The following ARMC7 variants were observed in gnomAD, a reference collection of about 807,000 sequenced individuals.
The protein encoded by ARMC7 is armadillo repeat-containing protein 7.
In ARMC7, 9 loss-of-function variants were observed where a neutral mutation model predicts 14.8. The ratio of observed to expected loss-of-function variants is 0.61; its 90% CI spans 0.37 to 1.06. The LOEUF (loss-of-function observed/expected upper bound fraction) is 1.06, where lower values mean the gene tolerates loss of function less well. Among genes scored for constraint, ARMC7 ranks in the 50% least tolerant of loss-of-function variants. The probability of loss-of-function intolerance (pLI) is 0.01; values close to 1 mark genes in which losing one functional copy is unlikely to be tolerated. For synonymous variants in ARMC7, 125 were observed against 123.4 expected, an observed-to-expected ratio of 1.01 and a Z score of -0.09; for missense variants, 262 against 267.1, an observed-to-expected ratio of 0.98 and a Z score of 0.13.
Position 75,129,157 on chromosome 17 carries a change from G to A in ARMC7, c.*119G>A, listed in dbSNP as rs562973631. 2.1e-5 allele frequency: 29 copies of A among 1,378,838 alleles called. No individual in the cohort carries two copies. The East Asian group carries it at 2.4e-4, about 11-fold the overall frequency. 85.4% of individuals were successfully genotyped at this position (1,378,838 alleles called of 1,614,324 possible). A position where few individuals can be genotyped will look rare whatever the true frequency, so the allele number is the denominator to read the frequency against. On this transcript the variant is annotated 3_prime_UTR_variant, in exon 3 of 3. Coordinates refer to ENST00000245543, the MANE Select transcript of ARMC7 (RefSeq NM_024585.4). Reference sequence around the variant, plus strand: ...GTGCCTTTTCAGCCATCTGAAAGGCGGGTTCTTTCAGCAGGACAGGCATTT... The same window carrying A: ...GTGCCTTTTCAGCCATCTGAAAGGCAGGTTCTTTCAGCAGGACAGGCATTT...
intron 2 of ARMC7, among the ~76,000 whole-genome samples, chr17:75,124,578 G>T (rs1009026703): frequency 2.0e-5 from 3 of 152,202 alleles, no homozygotes; most frequent in Admixed American, 1.3e-4. Context: ...CATGCCGCGG[G>T]TGTGTCTGAG....
Position 75,128,734 on chromosome 17 carries a change from G to A in ARMC7, c.293G>A (p.Gly98Glu), listed in dbSNP as rs754422264. ...RANKEHILHA[G>E]GVPLIINCLS... ...AACAAGGAGCACATCCTGCACGCAG[G>A]AGGTGTCCCACTCATCATCAACTGC... is the stretch of plus-strand genomic sequence containing the variant. Residue 98 changes from glycine (G) to glutamate (E), a missense_variant, in exon 3 of 3, where the codon GGA becomes GAA. Transcript: ENST00000245543. The A allele has an allele frequency of 1.2e-6, 2 of 1,613,608 alleles. No individual in the cohort carries two copies. The highest frequency in any genetic ancestry group is 8.5e-7 in the Non-Finnish European group (1 of 1,179,988).
chr17:75,119,306 G>A (rs2073995147), intron 2 of ARMC7, among the ~76,000 whole-genome samples: 1 of 152,208 alleles, frequency 6.6e-6, no homozygotes, highest in Non-Finnish European at 1.5e-5. Flanking sequence ...AAGGCAGGGT[G>A]GAGATGAACA....
At position 75,129,451 on chromosome 17, in the gene ARMC7, G is replaced by C. The variant is rs1278544538; in HGVS notation, c.*413G>C. On this transcript the variant is annotated 3_prime_UTR_variant, in exon 3 of 3. Coordinates refer to ENST00000245543, the MANE Select transcript of ARMC7 (RefSeq NM_024585.4). ...TCCCTTAACAGAAGTGTCTGGAGTAGTTTTCAGGTATAGGAATGAGATGCC... is the reference window on the plus strand; with the variant it reads ...TCCCTTAACAGAAGTGTCTGGAGTACTTTTCAGGTATAGGAATGAGATGCC... The C allele has an allele frequency of 2.1e-5, 4 of 187,582 alleles. No individual in the cohort carries two copies. The highest frequency in any genetic ancestry group is 9.4e-5 in the African/African-American group (4 of 42,512). The allele number at this position is 187,582 out of a possible 1,614,324, so 11.6% of individuals were successfully genotyped here.
In ARMC7 at chr17:75,128,916, C is replaced by T. The variant is rs2074076400; in HGVS notation, c.475C>T (p.Leu159=). 2.5e-6 allele frequency: 4 copies of T among 1,609,620 alleles called. No homozygotes were observed. The highest frequency in any genetic ancestry group is 3.4e-6 in the Non-Finnish European group (4 of 1,179,838). ...SLSASARLRN[L]AQIFLEDFCS... Reference sequence around the variant, plus strand: ...CTCGGCCAGCGCCAGGCTCCGGAACCTGGCACAGATCTTCCTGGAGGACTT... The same window carrying T: ...CTCGGCCAGCGCCAGGCTCCGGAACTTGGCACAGATCTTCCTGGAGGACTT... The change falls in exon 3 of 3, where the codon CTG becomes TTG. Residue 159 remains leucine, a synonymous_variant. Transcript: ENST00000245543.
intron 2 of ARMC7, among the ~76,000 whole-genome samples, chr17:75,121,764 T>A (rs2074015499): frequency 6.6e-6 from 1 of 152,152 alleles, no homozygotes; most frequent in Admixed American, 6.6e-5. Flanking sequence ...GGCATGTTCT[T>A]GTGGTTATAC....
intron 2 of ARMC7, chr17:75,114,933 G>C (rs957319803): frequency 1.0e-5 from 4 of 382,530 alleles, no homozygotes; most frequent in African/African-American, 8.3e-5. Flanking sequence ...GGGGATCCCC[G>C]ACAGGCACTT....
intron 2 of ARMC7, among the ~76,000 whole-genome samples, chr17:75,126,072 T>C (rs1551966): frequency 0.13 from 20,201 of 152,112 alleles, 2,463 homozygotes; most frequent in East Asian, 0.63. Flanking sequence ...GGGAAGTGGG[T>C]AGAGCTGTGG....
intron 2 of ARMC7, among the ~76,000 whole-genome samples, chr17:75,117,087 GT>G (rs1213455193): frequency 6.6e-6 from 1 of 151,984 alleles, no homozygotes; most frequent in Non-Finnish European, 1.5e-5. Flanking sequence ...TTTGGTTTTG[GT>G]TTTTTTGAGA....
At chr17:75,114,712 T>C (rs769374779) in intron 2 of ARMC7, 2 of 398,402 alleles carry the variant, frequency 5.0e-6, no homozygotes, top group Non-Finnish European at 8.8e-6. Flanking sequence ...TTTTTTCTCT[T>C]CCTTCTTCTG....
rs116335602 is a variant in ARMC7 at position 75,114,389 on chromosome 17, G to C, written c.235+3783G>C. Reference sequence around the variant, plus strand: ...CTTTCCCAGGACAGGGGCACCCTGAGGTCCGGGTCCACTGAGCTATGGGGG... The same window carrying C: ...CTTTCCCAGGACAGGGGCACCCTGACGTCCGGGTCCACTGAGCTATGGGGG... On this transcript the variant is annotated intron_variant, in intron 2 of 2. Coordinates refer to ENST00000245543, the MANE Select transcript of ARMC7 (RefSeq NM_024585.4). The C allele has an allele frequency of 9.2e-3, 3,662 of 396,824 alleles. 117 individuals are homozygous for C. Among genetic ancestry groups the C allele is most frequent in the African/African-American group, 0.068 (3,320 of 48,766 alleles). 24.6% of individuals were successfully genotyped at this position (396,824 alleles called of 1,614,324 possible). A position where few individuals can be genotyped will look rare whatever the true frequency, so the allele number is the denominator to read the frequency against.
At chr17:75,114,796 A>G in intron 2 of ARMC7, 1 of 397,906 alleles carries the variant, frequency 2.5e-6, no homozygotes. Context: ...CCATGTTGCA[A>G]TGAAATTTCA....
intron 2 of ARMC7, among the ~76,000 whole-genome samples, chr17:75,116,352 G>A (rs1010318640): frequency 3.9e-5 from 6 of 152,214 alleles, no homozygotes; most frequent in Non-Finnish European, 8.8e-5. Flanking sequence ...CCTAGGCCGG[G>A]CATGGTGGCT....
rs990825128 is a variant in ARMC7, at chr17:75,129,607, GC to G, written c.*572del. 2 of 153,240 alleles carry G rather than the reference GC, an allele frequency of 1.3e-5. No individual in the cohort carries two copies. The highest frequency in any genetic ancestry group is 4.8e-5 in the African/African-American group (2 of 41,428). The allele number at this position is 153,240 out of a possible 1,614,324, so 9.5% of individuals were successfully genotyped here. A position where few individuals can be genotyped will look rare whatever the true frequency, so the allele number is the denominator to read the frequency against. ...TGGATGCCAACCTGGATAACCTGTG[GC>G]CCAGCATTGACTGTCCACCCAGCCT... On this transcript the variant is annotated 3_prime_UTR_variant, in exon 3 of 3. Coordinates refer to ENST00000245543, the MANE Select transcript of ARMC7 (RefSeq NM_024585.4).
chr17:75,128,682 C>T lies in ARMC7; in HGVS notation c.241C>T (p.Leu81=), dbSNP rs760643043. 5 of 1,610,912 alleles carry T rather than the reference C, an allele frequency of 3.1e-6. No individual in the cohort carries two copies. The African/African-American group carries it at 4.0e-5, about 13-fold the overall frequency. The change falls in exon 3 of 3, where the codon CTG becomes TTG. Residue 81 remains leucine (L), a synonymous_variant. Transcript: ENST00000245543. The part of the protein sequence containing the change: ...ETLVEFAIGG[L]CNLCPDRANK... ...TCTTCCTTGCTCTCCCACAGGAGGC[C>T]TGTGCAACCTGTGCCCAGACAGGGC... is the stretch of plus-strand genomic sequence containing the variant.
intron 2 of ARMC7, among the ~76,000 whole-genome samples, chr17:75,127,658 C>T (rs915507200): frequency 2.6e-5 from 4 of 152,224 alleles, no homozygotes; most frequent in Non-Finnish European, 5.9e-5. Flanking sequence ...TGCAGTGGTG[C>T]GTTCATGGCT....
In ARMC7 at chr17:75,110,613, G is replaced by T. The variant is rs2073910389; in HGVS notation, c.235+7G>T. The T allele has an allele frequency of 1.9e-6, 3 of 1,614,030 alleles. No individual in the cohort carries two copies. The highest frequency in any genetic ancestry group is 2.5e-6 in the Non-Finnish European group (3 of 1,180,018). On this transcript the variant is annotated splice_region_variant and intron_variant, in intron 2 of 2. Transcript: ENST00000245543. ...CTGGTGGAGTTTGCTATTGGTAAGGGCGGGGCCCGTTCCCTAGATGCCTAA... is the reference window on the plus strand; with the variant it reads ...CTGGTGGAGTTTGCTATTGGTAAGGTCGGGGCCCGTTCCCTAGATGCCTAA...
rs776337255 is a variant in ARMC7 at position 75,110,463 on chromosome 17, A to C, written c.92A>C (p.Asp31Ala). The C allele has an allele frequency of 8.1e-6, 13 of 1,614,214 alleles. No individual in the cohort carries two copies. The South Asian group carries it at 1.4e-4, about 18-fold the overall frequency. Residue 31 changes from aspartate to alanine, a missense_variant and splice_region_variant, in exon 2 of 3, where the codon GAC becomes GCC. Physicochemically the swap from Asp to Ala is moderately radical, Grantham distance 126. Coordinates refer to ENST00000245543, the MANE Select transcript of ARMC7 (RefSeq NM_024585.4). Reference sequence around the variant, plus strand: ...CTTCAGTGCCGCTTTCCCGTTGCAGACGCCAAGGAGCAAGTCCTCGCCAAC... The same window carrying C: ...CTTCAGTGCCGCTTTCCCGTTGCAGCCGCCAAGGAGCAAGTCCTCGCCAAC... ...VTEFQETQSQ[D>A]AKEQVLANLA...
intron 2 of ARMC7, among the ~76,000 whole-genome samples, chr17:75,112,573 CTTTTTT>C (rs549730217): frequency 9.0e-5 from 9 of 100,460 alleles, no homozygotes; most frequent in South Asian, 3.4e-4. Context: ...TTCTCTTTTT[CTTTTTT>C]TTTTTTTTTT....
Sources: allele counts gnomAD v4.1 joint callset (sites outside exome capture counted in the v4.1 genomes callset), GRCh38; gene constraint gnomAD v4.1.1; transcripts MANE v1.5; gene names NCBI Gene and HGNC (gene_info 2026-07-23, HGNC 2026-07-21).